PPTC7: variants seen among roughly 807,000 people sequenced by gnomAD.
The protein encoded by PPTC7 is protein phosphatase targeting COQ7.
In PPTC7, 6 loss-of-function variants were observed where a neutral mutation model predicts 30.8. The observed-to-expected ratio is 0.19, with a 90% confidence interval of 0.11 to 0.38. PPTC7 has a LOEUF of 0.38. Ranked by LOEUF, PPTC7 falls within the 10% of genes least tolerant of loss-of-function variation. The pLI, the probability that PPTC7 is intolerant of heterozygous loss-of-function variation, is 1.00. For synonymous variants in PPTC7, 163 were observed against 168.1 expected, an observed-to-expected ratio of 0.97 and a Z score of 0.23; for missense variants, 218 against 404.8, an observed-to-expected ratio of 0.54 and a Z score of 3.96.
At chr12:110,559,885 A>G in intron 1 of PPTC7, among the ~76,000 whole-genome samples, 1 of 151,982 alleles carries the variant, frequency 6.6e-6, no homozygotes, top group East Asian at 1.9e-4. Context: ...GGCATGTGCC[A>G]CCATACCCAG....
intron 1 of PPTC7, among the ~76,000 whole-genome samples, chr12:110,574,682 T>C (rs2064572177): frequency 6.6e-6 from 1 of 152,208 alleles, no homozygotes; most frequent in African/African-American, 2.4e-5. Context: ...ATAGGTCAGC[T>C]TTTACAAAAA....
At chr12:110,564,369 A>G (rs1254672102) in intron 1 of PPTC7, among the ~76,000 whole-genome samples, 1 of 152,220 alleles carries the variant, frequency 6.6e-6, no homozygotes, top group Non-Finnish European at 1.5e-5. Context: ...ATAATTCAAA[A>G]ATTAAGTAAG....
chr12:110,579,977 C>T (rs1230472765), intron 1 of PPTC7, among the ~76,000 whole-genome samples: 1 of 151,868 alleles, frequency 6.6e-6, no homozygotes, highest in African/African-American at 2.4e-5. Flanking sequence ...GGCGCCATTG[C>T]ACTCCAGCCT....
intron 1 of PPTC7, among the ~76,000 whole-genome samples, chr12:110,555,615 C>A (rs1428666564): frequency 2.6e-5 from 4 of 152,212 alleles, no homozygotes; most frequent in Admixed American, 6.5e-5. Flanking sequence ...CACTCGCAAT[C>A]TGCTGGCAGT....
intron 1 of PPTC7, among the ~76,000 whole-genome samples, chr12:110,565,109 G>A (rs1357981604): frequency 1.3e-5 from 2 of 150,820 alleles, no homozygotes; most frequent in African/African-American, 2.4e-5. Flanking sequence ...CTTCTGACCT[G>A]AGGTGATCCA....
chr12:110,573,736 C>A (rs2064559927), intron 1 of PPTC7, among the ~76,000 whole-genome samples: 2 of 151,918 alleles, frequency 1.3e-5, no homozygotes, highest in Admixed American at 6.6e-5. Flanking sequence ...AATCCCAGCA[C>A]TTTGGGAGGC....
intron 3 of PPTC7, among the ~76,000 whole-genome samples, chr12:110,541,849 A>G (rs778797052): frequency 4.6e-5 from 7 of 151,912 alleles, no homozygotes; most frequent in Non-Finnish European, 1.0e-4. Context: ...TCTTCAAGAA[A>G]TATCTTGATA....
At chr12:110,574,970 A>G (rs1179134107) in intron 1 of PPTC7, among the ~76,000 whole-genome samples, 1 of 116,224 alleles carries the variant, frequency 8.6e-6, no homozygotes, top group Non-Finnish European at 1.8e-5. Flanking sequence ...TTAAACTTTT[A>G]GTGGAGATGG....
In PPTC7 at chr12:110,583,093, G is replaced by A. The variant is rs1330883778; in HGVS notation, c.-62C>T. The A allele has an allele frequency of 1.6e-6, 2 of 1,289,042 alleles. No homozygotes were observed. The highest frequency in any genetic ancestry group is 9.9e-7 in the Non-Finnish European group (1 of 1,011,198). 79.9% of individuals were successfully genotyped at this position (1,289,042 alleles called of 1,614,324 possible). On this transcript the variant is annotated 5_prime_UTR_variant, in exon 1 of 6. Transcript: ENST00000354300. ...GGGAGCAGGAGGACGCGGAGGCCCG[G>A]AGCCGGCTCTCTCCTCAGCCGCAGT...
At chr12:110,541,983 T>TA (rs1481168704) in intron 3 of PPTC7, among the ~76,000 whole-genome samples, 1 of 151,260 alleles carries the variant, frequency 6.6e-6, no homozygotes, top group African/African-American at 2.4e-5. Context: ...CCATCTCTGC[T>TA]AAAAATACAA....
At chr12:110,553,533 C>A (rs886585293) in intron 1 of PPTC7, among the ~76,000 whole-genome samples, 6 of 152,086 alleles carry the variant, frequency 3.9e-5, no homozygotes, top group African/African-American at 1.4e-4. Context: ...AATCCCAGCA[C>A]GTTGGGAGGC....
At chr12:110,582,048 C>G (rs148555784) in intron 1 of PPTC7, among the ~76,000 whole-genome samples, 3 of 152,166 alleles carry the variant, frequency 2.0e-5, no homozygotes, top group African/African-American at 7.2e-5. Flanking sequence ...TCTCCCACCC[C>G]CAAAAGGTAT....
intron 1 of PPTC7, among the ~76,000 whole-genome samples, chr12:110,579,948 G>A (rs960135199): frequency 6.6e-6 from 1 of 152,000 alleles, no homozygotes; most frequent in Non-Finnish European, 1.5e-5. Context: ...GGGAGGCGGA[G>A]GTTGCAGTGA....
At chr12:110,574,100 C>G (rs987760690) in intron 1 of PPTC7, among the ~76,000 whole-genome samples, 2 of 127,122 alleles carry the variant, frequency 1.6e-5, no homozygotes, top group African/African-American at 6.0e-5. Context: ...GAATTTGAGA[C>G]CAGCCCAAGC....
intron 2 of PPTC7, among the ~76,000 whole-genome samples, chr12:110,548,991 G>A (rs1270477329): frequency 6.6e-6 from 1 of 152,154 alleles, no homozygotes; most frequent in Non-Finnish European, 1.5e-5. Flanking sequence ...AGATGAGTAA[G>A]AAAAGCGGTG....
At chr12:110,566,428 A>T (rs947097137) in intron 1 of PPTC7, among the ~76,000 whole-genome samples, 4 of 152,238 alleles carry the variant, frequency 2.6e-5, no homozygotes, top group Non-Finnish European at 4.4e-5. Context: ...CTCCAGCCCC[A>T]GAACAAGATG....
rs77830223 is a variant in PPTC7 at position 110,547,668 on chromosome 12, T to C, written c.404-1590A>G. ...TTTTAAAAAAGCAATAGGCAAAGTC[T>C]AAATTATTAAAATGATGGTTAAAAG... On this transcript the variant is annotated intron_variant, in intron 2 of 5. Transcript: ENST00000354300. Among the ~76,000 whole-genome samples, 1,043 of 152,200 alleles carry C rather than the reference T, an allele frequency of 6.9e-3. 1 individual carries two copies. The highest frequency in any genetic ancestry group is 9.4e-3 in the Non-Finnish European group (637 of 68,002).
intron 1 of PPTC7, among the ~76,000 whole-genome samples, chr12:110,560,237 A>G (rs1041526015): frequency 6.6e-6 from 1 of 151,928 alleles, no homozygotes; most frequent in African/African-American, 2.4e-5. Context: ...CGTCTCTACA[A>G]AAAAATTTAA....
At chr12:110,546,146 A>G in intron 2 of PPTC7, 68 bp from the exon 3 acceptor site, 1 of 1,274,128 alleles carries the variant, frequency 7.8e-7, no homozygotes. Flanking sequence ...ATTTTAACAC[A>G]TGACCCCACA....
Sources: allele counts gnomAD v4.1 joint callset (sites outside exome capture counted in the v4.1 genomes callset), GRCh38; gene constraint gnomAD v4.1.1; transcripts MANE v1.5; gene names NCBI Gene and HGNC (gene_info 2026-07-23, HGNC 2026-07-21).